ZPBP: variants seen among roughly 807,000 people sequenced by gnomAD.
ZPBP encodes zona pellucida-binding protein 1.
A neutral mutation model predicts 44.8 loss-of-function variants in ZPBP; 26 were observed. The ratio of observed to expected loss-of-function variants is 0.58; its 90% CI spans 0.43 to 0.81. The LOEUF (loss-of-function observed/expected upper bound fraction) is 0.81. Ranked by LOEUF, ZPBP falls within the 30% of genes least tolerant of loss-of-function variation. The pLI is 0.00. For synonymous variants in ZPBP, 174 were observed against 153.2 expected, an observed-to-expected ratio of 1.14 and a Z score of -1.00; for missense variants, 409 against 434.0, an observed-to-expected ratio of 0.94 and a Z score of 0.51.
chr7:49,971,121 G>A (rs1413931820), intron 7 of ZPBP, among the ~76,000 whole-genome samples: 1 of 151,920 alleles, frequency 6.6e-6, no homozygotes, highest in Non-Finnish European at 1.5e-5. Flanking sequence ...AACATACAAA[G>A]ACTTATGCCA....
intron 1 of ZPBP, among the ~76,000 whole-genome samples, chr7:49,926,968 G>A (rs1446519898): frequency 3.3e-5 from 5 of 152,172 alleles, no homozygotes; most frequent in Non-Finnish European, 5.9e-5. Context: ...AAGCACAGAC[G>A]CAGTGCAAAC....
At chr7:49,888,199 A>C (rs774414172) in intron 2 of ZPBP, among the ~76,000 whole-genome samples, 9 of 152,208 alleles carry the variant, frequency 5.9e-5, no homozygotes, top group Non-Finnish European at 1.2e-4. Flanking sequence ...TCTGACAGCC[A>C]GTTAAATACT....
At chr7:49,940,402 A>G (rs1166799240) in intron 7 of ZPBP, among the ~76,000 whole-genome samples, 1 of 152,156 alleles carries the variant, frequency 6.6e-6, no homozygotes, top group Non-Finnish European at 1.5e-5. Flanking sequence ...CCAAGGAGAA[A>G]ATACAAATGG....
chr7:50,058,226 T>A (rs1202778280), intron 3 of ZPBP, 85 bp from the exon 4 acceptor site: 4 of 1,412,276 alleles, frequency 2.8e-6, no homozygotes, highest in Non-Finnish European at 4.0e-6. Flanking sequence ...AAAACCATCA[T>A]AATTTACCAA....
chr7:50,062,747 T>C (rs773031035), intron 3 of ZPBP, among the ~76,000 whole-genome samples: 1 of 152,194 alleles, frequency 6.6e-6, no homozygotes, highest in Non-Finnish European at 1.5e-5. Context: ...CTGATCATTC[T>C]TCCTGCAAGG....
At chr7:50,065,895 T>C (rs1801478962) in intron 3 of ZPBP, among the ~76,000 whole-genome samples, 1 of 151,170 alleles carries the variant, frequency 6.6e-6, no homozygotes, top group Non-Finnish European at 1.5e-5. Flanking sequence ...CAGTGCTGTC[T>C]GTCCTGTAGA....
At chr7:49,887,062 G>C (rs1454056479) in intron 2 of ZPBP, among the ~76,000 whole-genome samples, 1 of 151,922 alleles carries the variant, frequency 6.6e-6, no homozygotes, top group African/African-American at 2.4e-5. Context: ...CAATTCCTCT[G>C]TGATGTCTTT....
chr7:50,077,136 C>T (rs1802135721), intron 3 of ZPBP, among the ~76,000 whole-genome samples: 1 of 151,700 alleles, frequency 6.6e-6, no homozygotes, highest in African/African-American at 2.4e-5. Context: ...GTGCCAAGGA[C>T]ATACTCTGGA....
chr7:50,050,922 A>G (rs960327098), intron 4 of ZPBP, among the ~76,000 whole-genome samples: 1 of 151,986 alleles, frequency 6.6e-6, no homozygotes, highest in African/African-American at 2.4e-5. Context: ...CAACAAAAGC[A>G]AAAATTGACA....
At chr7:49,864,010 A>G (rs772717985) in intron 2 of ZPBP, among the ~76,000 whole-genome samples, 1 of 151,910 alleles carries the variant, frequency 6.6e-6, no homozygotes. Context: ...AAAATCATAT[A>G]TTGTTTATTA....
In ZPBP at chr7:50,043,012, G is replaced by C. The variant is rs986814659; in HGVS notation, c.488-11702C>G. ...GCCATGACACCCACGCTGGAAGATT[G>C]TGGGTTTACCAGAATGAGGGCAAGG... is the stretch of plus-strand genomic sequence containing the variant. On this transcript the variant is annotated intron_variant, in intron 4 of 7. Coordinates refer to ENST00000046087, the MANE Select transcript of ZPBP (RefSeq NM_007009.3). Among the ~76,000 whole-genome samples, 8 of 152,276 alleles carry C rather than the reference G, an allele frequency of 5.3e-5. No individual in the cohort carries two copies. In the East Asian group the frequency reaches 5.8e-4, roughly 11 times the overall value.
intron 7 of ZPBP, among the ~76,000 whole-genome samples, chr7:49,950,230 T>C (rs1264161228): frequency 6.6e-6 from 1 of 151,954 alleles, no homozygotes; most frequent in African/African-American, 2.4e-5. Flanking sequence ...TGGTCTACAA[T>C]AATATGAATA....
chr7:50,093,016 G>T (rs745347293), intron 1 of ZPBP, 52 bp downstream of exon 1: 17 of 1,571,476 alleles, frequency 1.1e-5, no homozygotes, highest in South Asian at 1.1e-4. Context: ...TCGAAGAGTG[G>T]GGGAAGCTGC....
At chr7:49,873,083 A>G (rs966862367) in intron 2 of ZPBP, among the ~76,000 whole-genome samples, 1 of 152,178 alleles carries the variant, frequency 6.6e-6, no homozygotes, top group African/African-American at 2.4e-5. Context: ...AGTAGTTTTC[A>G]GGGAACTGCA....
chr7:50,039,832 TG>T (rs1256955224), intron 4 of ZPBP, among the ~76,000 whole-genome samples: 1 of 150,120 alleles, frequency 6.7e-6, no homozygotes, highest in African/African-American at 2.4e-5. Flanking sequence ...AGATGTAATA[TG>T]TGTAATATTG....
At chr7:50,082,522 C>G (rs1410209815) in intron 2 of ZPBP, among the ~76,000 whole-genome samples, 1 of 151,720 alleles carries the variant, frequency 6.6e-6, no homozygotes, top group Non-Finnish European at 1.5e-5. Flanking sequence ...TAAGTTTACT[C>G]ATAAGTAAAC....
intron 6 of ZPBP, 119 bp downstream of exon 6, chr7:50,018,121 T>A: frequency 2.8e-6 from 2 of 714,682 alleles, no homozygotes; most frequent in South Asian, 3.3e-5. Context: ...TTATTTTTAT[T>A]GTTGAAATCC....
In ZPBP at chr7:49,946,915, T is replaced by C. The variant is rs10257535; in HGVS notation, c.962-9293A>G. 4.6e-3 allele frequency among the ~76,000 whole-genome samples: 697 copies of C among 152,298 alleles called. 4 individuals carry two copies. Among genetic ancestry groups the C allele is most frequent in the African/African-American group, 0.016 (659 of 41,582 alleles). ...CTTTTGTCTTTTCTGACTGTGTATT[T>C]CCAAATAGCCTACCTTGAAGCTCAC... On this transcript the variant is annotated intron_variant, in intron 7 of 7. Transcript: ENST00000046087.
chr7:49,930,425 A>G (rs1794407468), intron 1 of ZPBP, among the ~76,000 whole-genome samples: 1 of 152,246 alleles, frequency 6.6e-6, no homozygotes, highest in Non-Finnish European at 1.5e-5. Context: ...ATGGGTTTCA[A>G]ACAAAACCTT....
Sources: gnomAD v4.1 joint callset for allele counts (sites outside exome capture counted in the v4.1 genomes callset) on GRCh38, gnomAD v4.1.1 for gene constraint, MANE v1.5 for transcripts, NCBI Gene and HGNC (gene_info 2026-07-23, HGNC 2026-07-21) for gene names.